The following ITIH2 variants were observed in gnomAD, a reference collection of about 807,000 sequenced individuals.
The protein encoded by ITIH2 is inter-alpha-trypsin inhibitor heavy chain 2, also known as inter-alpha-trypsin inhibitor heavy chain H2.
A neutral mutation model predicts 104.4 loss-of-function variants in ITIH2; 103 were observed. That is an observed-to-expected ratio of 0.99 (90% confidence interval 0.84 to 1.16). The LOEUF is 1.16. Ranked by LOEUF, ITIH2 falls within the 50% of genes most tolerant of loss-of-function variation. ITIH2 has a pLI of 0.00. For missense variants in ITIH2, 1,108 were observed against 1,162.4 expected, an observed-to-expected ratio of 0.95 and a Z score of 0.68; for synonymous variants, 436 against 435.4, an observed-to-expected ratio of 1.00 and a Z score of -0.02.
chr10:7,734,067 C>T (rs150964483), intron 14 of ITIH2, among the ~76,000 whole-genome samples: 330 of 152,048 alleles, frequency 2.2e-3, no homozygotes, highest in African/African-American at 7.5e-3. Flanking sequence ...GTGGGAGATA[C>T]GTGAGTAGGT....
intron 5 of ITIH2, among the ~76,000 whole-genome samples, chr10:7,716,059 A>G (rs1157876825): frequency 2.0e-5 from 3 of 151,726 alleles, no homozygotes; most frequent in South Asian, 2.1e-4. Flanking sequence ...GACAGGGCTC[A>G]CTGCAACCTC....
chr10:7,743,195 C>T lies in ITIH2; in HGVS notation c.2145C>T (p.Asn715=). The T allele has an allele frequency of 1.3e-6, 2 of 1,592,604 alleles. No individual in the cohort carries two copies. Among genetic ancestry groups the T allele is most frequent in the Non-Finnish European group, 1.7e-6 (2 of 1,171,016 alleles). Residue 715 remains asparagine (N), a synonymous_variant, in exon 17 of 21, where the codon AAC becomes AAT. Coordinates refer to ENST00000358415, the MANE Select transcript of ITIH2 (RefSeq NM_002216.3). The part of the protein sequence containing the change: ...FIIYLPKSQK[N]ICFNIDSEPG... ...TTTATCTACCAAAAAGCCAAAAGAA[C>T]ATTTGTTTCAATATTGACTCAGAAC...
chr10:7,728,851 C>T (rs1834974762), intron 11 of ITIH2, among the ~76,000 whole-genome samples: 1 of 152,126 alleles, frequency 6.6e-6, no homozygotes, highest in Non-Finnish European at 1.5e-5. Context: ...AAAACAATGG[C>T]AGTCAGAGCT....
At position 7,729,986 on chromosome 10, in the gene ITIH2, T is replaced by C. The variant is rs139626054; in HGVS notation, c.1314T>C (p.Val438=). 1.0e-4 allele frequency: 167 copies of C among 1,608,972 alleles called. 1 individual carries two copies. The African/African-American group carries it at 2.0e-3, about 20-fold the overall frequency. The change falls in exon 12 of 21, where the codon GTT becomes GTC. Residue 438 remains valine (V), a synonymous_variant. Coordinates refer to ENST00000358415, the MANE Select transcript of ITIH2 (RefSeq NM_002216.3). Reference sequence around the variant, plus strand: ...AACTGTCAAAAATTCAGAAAAACGTTAAGGAGAACATCCAAGACAATATCT... The same window carrying C: ...AACTGTCAAAAATTCAGAAAAACGTCAAGGAGAACATCCAAGACAATATCT... ...ELKLSKIQKN[V]KENIQDNISL...
chr10:7,747,416 A>G (rs974653155), intron 20 of ITIH2, among the ~76,000 whole-genome samples: 2 of 152,224 alleles, frequency 1.3e-5, no homozygotes, highest in African/African-American at 4.8e-5. Context: ...AGTCGGAAGT[A>G]TTGCCACGAA....
intron 3 of ITIH2, among the ~76,000 whole-genome samples, chr10:7,708,544 G>GT (rs1483018556): frequency 2.6e-5 from 4 of 152,166 alleles, no homozygotes; most frequent in African/African-American, 9.7e-5. Context: ...GTAGAGAGCT[G>GT]TAAGGGGGGG....
chr10:7,737,479 T>C (rs1278723819), intron 15 of ITIH2, among the ~76,000 whole-genome samples: 1 of 139,890 alleles, frequency 7.1e-6, no homozygotes, highest in African/African-American at 2.6e-5. Flanking sequence ...TTATATTATC[T>C]GTAATATATA....
intron 11 of ITIH2, among the ~76,000 whole-genome samples, chr10:7,728,753 T>C (rs7087317): frequency 0.071 from 10,754 of 152,124 alleles, 519 homozygotes; most frequent in African/African-American, 0.13. Context: ...GAATGCCAGA[T>C]TGTGTTGCCT....
intron 15 of ITIH2, 65 bp from the exon 16 acceptor site, chr10:7,738,556 C>T (rs1208906134): frequency 1.3e-6 from 2 of 1,579,050 alleles, no homozygotes; most frequent in African/African-American, 1.4e-5. Context: ...AGATTCTTGA[C>T]ATGGTGAGCA....
At chr10:7,705,336 C>A (rs2131150500) in intron 2 of ITIH2, among the ~76,000 whole-genome samples, 154 bp downstream of exon 2, 1 of 152,302 alleles carries the variant, frequency 6.6e-6, no homozygotes, top group South Asian at 2.1e-4. Context: ...TGGAAGAGAT[C>A]ACCCAGGTGA....
At chr10:7,729,051 C>T (rs1834976167) in intron 11 of ITIH2, among the ~76,000 whole-genome samples, 1 of 152,182 alleles carries the variant, frequency 6.6e-6, no homozygotes, top group African/African-American at 2.4e-5. Context: ...TGGTGGCTCA[C>T]ACCTGTAATC....
Position 7,731,922 on chromosome 10 carries a change from T to C in ITIH2, c.1573T>C (p.Ser525Pro), listed in dbSNP as rs1835006734. Residue 525 changes from serine to proline, a missense_variant, in exon 13 of 21, where the codon TCA becomes CCA. Coordinates refer to ENST00000358415, the MANE Select transcript of ITIH2 (RefSeq NM_002216.3). ...QNNFHNYFGG[S>P]EIVVAGKFDP... is the part of the protein sequence containing the mutation. ...CAATTTCCATAACTACTTTGGAGGC[T>C]CAGAGATTGTGGTGGCAGGAAAATT... The C allele has an allele frequency of 6.2e-7, 1 of 1,613,916 alleles. No individual in the cohort carries two copies. The highest frequency in any genetic ancestry group is 1.1e-5 in the South Asian group (1 of 91,082).
chr10:7,740,047 A>G (rs4237382), intron 16 of ITIH2, among the ~76,000 whole-genome samples: 127,422 of 152,064 alleles, frequency 0.84, 53,710 homozygotes, highest in East Asian at 0.94. Context: ...TTAGCCGGGC[A>G]TGGTGGCAGG....
Position 7,744,824 on chromosome 10 carries a change from A to C in ITIH2, c.2442A>C (p.Val814=). Residue 814 remains valine (V), a synonymous_variant, in exon 19 of 21, where the codon GTA becomes GTC. Coordinates refer to ENST00000358415, the MANE Select transcript of ITIH2 (RefSeq NM_002216.3). ...TCTCAGTGAAGAAAGAAAAAGTGGT[A>C]ACTATCACCCTGGATAAAGAGATGT... ...VQISVKKEKV[V]TITLDKEMSF... is the part of the protein sequence containing the mutation. 1 of 1,613,994 alleles carries C rather than the reference A, an allele frequency of 6.2e-7. No individual in the cohort carries two copies. Among genetic ancestry groups the C allele is most frequent in the Non-Finnish European group, 8.5e-7 (1 of 1,179,948 alleles).
chr10:7,735,289 G>A (rs1835043911), intron 15 of ITIH2, among the ~76,000 whole-genome samples, 198 bp downstream of exon 15: 1 of 152,172 alleles, frequency 6.6e-6, no homozygotes, highest in Admixed American at 6.5e-5. Context: ...TTGCTCACAA[G>A]TTTCCCAAAG....
At position 7,705,164 on chromosome 10, in the gene ITIH2, AG is replaced by A. The variant is rs1416806969; in HGVS notation, c.142del (p.Glu48ArgfsTer16). On this transcript the variant is annotated frameshift_variant, in exon 2 of 21. Coordinates refer to ENST00000358415, the MANE Select transcript of ITIH2 (RefSeq NM_002216.3). LOFTEE classifies it high-confidence loss of function. ...CCCCAGGCAAATTTCAATTGGTGGC[AG>A]AGAACCGGAGATATCAGGTATAGTA... ...LAPGKFQLVAENRRYQRSLPG... is the reference protein window; with the variant it reads ...LAPGKFQLVAXNRRYQRSLPG... The A allele has an allele frequency of 6.2e-7, 1 of 1,610,742 alleles. No individual in the cohort carries two copies.
At chr10:7,735,649 T>TTTTTCTTTTCTTTTCTTTTC (rs199717787) in intron 15 of ITIH2, among the ~76,000 whole-genome samples, 6 of 150,942 alleles carry the variant, frequency 4.0e-5, no homozygotes, top group African/African-American at 1.2e-4. Flanking sequence ...CACTGTTTTC[T>TTTTTCTTTTCTTTTCTTTTC]TTTTCTTTTC....
At chr10:7,728,290 C>T (rs1163767133) in intron 11 of ITIH2, among the ~76,000 whole-genome samples, 1 of 152,218 alleles carries the variant, frequency 6.6e-6, no homozygotes, top group Non-Finnish European at 1.5e-5. Flanking sequence ...TGCTCTCTGA[C>T]ACAACCTTGA....
rs141420055 is a variant in ITIH2, at chr10:7,746,838, C to T, written c.2693+134C>T. On this transcript the variant is annotated intron_variant, in intron 20 of 20. Transcript: ENST00000358415. Reference sequence around the variant, plus strand: ...CACTAAGCAGTTCATTAGGAATAGACGCACACAGCATTCGCATAAGGACAC... The same window carrying T: ...CACTAAGCAGTTCATTAGGAATAGATGCACACAGCATTCGCATAAGGACAC... 1.6e-3 allele frequency: 950 copies of T among 594,744 alleles called. 5 individuals are homozygous for T. The highest frequency in any genetic ancestry group is 2.5e-3 in the South Asian group (112 of 45,016). 36.8% of individuals were successfully genotyped at this position (594,744 alleles called of 1,614,324 possible). A position where few individuals can be genotyped will look rare whatever the true frequency, so the allele number is the denominator to read the frequency against.
Sources: allele counts gnomAD v4.1 joint callset (sites outside exome capture counted in the v4.1 genomes callset), GRCh38; gene constraint gnomAD v4.1.1; transcripts MANE v1.5; gene names NCBI Gene and HGNC (gene_info 2026-07-23, HGNC 2026-07-21).